The following CCDC88C variants were observed in gnomAD, a reference collection of about 807,000 sequenced individuals.
CCDC88C encodes protein Daple.
In CCDC88C, 131 loss-of-function variants were observed where a neutral mutation model predicts 198.8. That is an observed-to-expected ratio of 0.66 (90% confidence interval 0.57 to 0.76). The LOEUF (loss-of-function observed/expected upper bound fraction) is 0.76, where lower values mean the gene tolerates loss of function less well. Ranked by LOEUF, CCDC88C falls within the 30% of genes least tolerant of loss-of-function variation. The pLI, the probability that CCDC88C is intolerant of heterozygous loss-of-function variation, is 0.00. For synonymous variants in CCDC88C, 1,166 were observed against 1,114.7 expected, an observed-to-expected ratio of 1.05 and a Z score of -0.92; for missense variants, 2,553 against 2,631.6, an observed-to-expected ratio of 0.97 and a Z score of 0.65.
At chr14:91,330,758 C>T (rs1277448153) in intron 10 of CCDC88C, among the ~76,000 whole-genome samples, 2 of 151,884 alleles carry the variant, frequency 1.3e-5, no homozygotes, top group Non-Finnish European at 2.9e-5. Flanking sequence ...AACACACTGG[C>T]CTTGAGATGT....
At chr14:91,334,405 G>A (rs1596081630) in intron 10 of CCDC88C, among the ~76,000 whole-genome samples, 3 of 152,148 alleles carry the variant, frequency 2.0e-5, no homozygotes, top group South Asian at 2.1e-4. Context: ...CACCAGAGCC[G>A]GCTAGTATTT....
intron 3 of CCDC88C, among the ~76,000 whole-genome samples, chr14:91,374,837 G>T (rs4904770): frequency 0.13 from 19,527 of 152,204 alleles, 1,509 homozygotes; most frequent in Middle Eastern, 0.21. Context: ...ACTGGTAGTG[G>T]TTACCTAGAG....
Position 91,338,860 on chromosome 14 carries a change from G to A in CCDC88C, c.810-290C>T. The A allele has an allele frequency of 2.0e-6, 1 of 496,732 alleles. No homozygotes were observed. Among genetic ancestry groups the A allele is most frequent in the East Asian group, 3.7e-5 (1 of 26,838 alleles). The allele number at this position is 496,732 out of a possible 1,614,324, so 30.8% of individuals were successfully genotyped here. On this transcript the variant is annotated intron_variant, in intron 8 of 29. Coordinates refer to ENST00000389857, the MANE Select transcript of CCDC88C (RefSeq NM_001080414.4). This position sits in a 1 kb window ranked among gnomAD's most constrained non-coding sequence, Gnocchi z 4.8. Reference sequence around the variant, plus strand: ...CCAGCGGCAGCTGTACCACCCCACAGCCAGGCTCCACAGGTGACATCCATC... The same window carrying A: ...CCAGCGGCAGCTGTACCACCCCACAACCAGGCTCCACAGGTGACATCCATC...
At chr14:91,372,535 G>GA (rs1410541988) in intron 3 of CCDC88C, among the ~76,000 whole-genome samples, 2 of 108,960 alleles carry the variant, frequency 1.8e-5, no homozygotes, top group African/African-American at 8.5e-5. Flanking sequence ...GTGCGGGGGG[G>GA]GGCGGGCGGG....
At chr14:91,409,602 C>T (rs768801347) in intron 2 of CCDC88C, among the ~76,000 whole-genome samples, 2 of 151,854 alleles carry the variant, frequency 1.3e-5, no homozygotes, top group Non-Finnish European at 2.9e-5. Flanking sequence ...ATTCTCCCAC[C>T]TCAGCCTCCC....
At chr14:91,347,844 A>T (rs1204399175) in intron 4 of CCDC88C, among the ~76,000 whole-genome samples, 2 of 152,232 alleles carry the variant, frequency 1.3e-5, no homozygotes, top group Admixed American at 6.5e-5. Context: ...GTATATACCC[A>T]AAGGATTATA....
chr14:91,297,358 C>T lies in CCDC88C; in HGVS notation c.3913G>A (p.Glu1305Lys). The T allele has an allele frequency of 6.2e-7, 1 of 1,613,790 alleles. No individual in the cohort carries two copies. The highest frequency in any genetic ancestry group is 8.5e-7 in the Non-Finnish European group (1 of 1,179,814). Residue 1305 changes from glutamate to lysine, a missense_variant, in exon 22 of 30, where the codon GAG (glutamate) becomes AAG (lysine). Transcript: ENST00000389857. ...RWQARFDELKEQHQTMDISLT... is the reference protein window; with the variant it reads ...RWQARFDELKKQHQTMDISLT... ...GAGATGTCCATGGTCTGGTGCTGCTCCTTCAGCTCGTCGAAGCGGGCCTGC... is the reference window on the plus strand; with the variant it reads ...GAGATGTCCATGGTCTGGTGCTGCTTCTTCAGCTCGTCGAAGCGGGCCTGC...
chr14:91,325,373 A>G lies in CCDC88C; in HGVS notation c.1198-450T>C, dbSNP rs1892539634. ...ACACACTCATTCCTACAGAAAAGCA[A>G]TACAGAAGTCAAGTGCTCTGTTTGT... On this transcript the variant is annotated intron_variant, in intron 11 of 29. Transcript: ENST00000389857. The surrounding 1 kb of genome is among the most constrained non-coding windows in gnomAD (Gnocchi z 4.1). Among the ~76,000 whole-genome samples the G allele has an allele frequency of 6.6e-6, 1 of 151,220 alleles. No homozygotes were observed. The highest frequency in any genetic ancestry group is 1.5e-5 in the Non-Finnish European group (1 of 67,898).
intron 13 of CCDC88C, among the ~76,000 whole-genome samples, chr14:91,319,638 C>T (rs772043752): frequency 3.9e-5 from 6 of 152,222 alleles, no homozygotes; most frequent in Admixed American, 6.5e-5. Context: ...TGCTTTATAA[C>T]AGTGCCCTGC....
intron 2 of CCDC88C, among the ~76,000 whole-genome samples, chr14:91,414,029 G>A (rs1260432786): frequency 6.6e-6 from 1 of 152,192 alleles, no homozygotes; most frequent in Non-Finnish European, 1.5e-5. Context: ...GTGCAGTACA[G>A]TCTAAATGCG....
At chr14:91,366,687 A>G (rs926764948) in intron 3 of CCDC88C, among the ~76,000 whole-genome samples, 1 of 152,222 alleles carries the variant, frequency 6.6e-6, no homozygotes, top group Non-Finnish European at 1.5e-5. Flanking sequence ...AGGAGAAGCC[A>G]AGCCTCTTGA....
chr14:91,373,014 C>G (rs191724016), intron 3 of CCDC88C, among the ~76,000 whole-genome samples: 1 of 152,268 alleles, frequency 6.6e-6, no homozygotes, highest in African/African-American at 2.4e-5. Context: ...GGCAGCTCTG[C>G]AGGGGGCAAA....
intron 15 of CCDC88C, among the ~76,000 whole-genome samples, chr14:91,312,829 C>T (rs573651852): frequency 6.6e-6 from 1 of 152,312 alleles, no homozygotes; most frequent in South Asian, 2.1e-4. Context: ...TGACATCAAG[C>T]ATGTGTCTGT....
intron 3 of CCDC88C, among the ~76,000 whole-genome samples, chr14:91,372,231 C>CCTCA (rs10671415): frequency 0.032 from 4,846 of 151,998 alleles, 281 homozygotes; most frequent in African/African-American, 0.11. Flanking sequence ...AGACTGCTAC[C>CCTCA]CTCAAAGCCA....
rs1894818175 is a variant in CCDC88C at position 91,371,781 on chromosome 14, T to C, written c.271-12070A>G. Among the ~76,000 whole-genome samples the C allele has an allele frequency of 6.6e-6, 1 of 152,202 alleles. No individual in the cohort carries two copies. On this transcript the variant is annotated intron_variant, in intron 3 of 29. Coordinates refer to ENST00000389857, the MANE Select transcript of CCDC88C (RefSeq NM_001080414.4). The surrounding 1 kb of genome is among the most constrained non-coding windows in gnomAD (Gnocchi z 4.2). ...ACCCACCCAGGCCCACAGGCACCTA[T>C]GCCAGGGCAGGGCTGGGGCCACGCC...
At chr14:91,328,117 G>A (rs1236042950) in intron 10 of CCDC88C, among the ~76,000 whole-genome samples, 2 of 152,200 alleles carry the variant, frequency 1.3e-5, no homozygotes, top group Non-Finnish European at 2.9e-5. Context: ...CCACAAGGAG[G>A]GAGGAATCAA....
chr14:91,278,257 G>C (rs1477221808), intron 28 of CCDC88C, 46 bp from the exon 29 acceptor site: 1 of 1,531,524 alleles, frequency 6.5e-7, no homozygotes, highest in Non-Finnish European at 8.8e-7. Flanking sequence ...AGTCTTGGCA[G>C]CCCTCTGGTG....
Position 91,293,595 on chromosome 14 carries a change from A to ACAGCCCACC in CCDC88C, c.4112+577_4112+578insGGTGGGCTG, listed in dbSNP as rs1567056054. On this transcript the variant is annotated intron_variant, in intron 23 of 29. Transcript: ENST00000389857. ...CCACCTTCCTGTCCCCTCGCCTGCC[A>ACAGCCCACC]TGGCCCACCTCCTGTGGGCCTCCCC... Among the ~76,000 whole-genome samples, 24 of 135,124 alleles carry ACAGCCCACC rather than the reference A, an allele frequency of 1.8e-4. 3 individuals carry two copies. Among genetic ancestry groups the ACAGCCCACC allele is most frequent in the Admixed American group, 4.5e-4 (6 of 13,292 alleles). The allele number at this position is 135,124 out of a possible 152,430, so 88.6% of individuals were successfully genotyped here.
rs1891751957 is a variant in CCDC88C at position 91,310,074 on chromosome 14, T to G, written c.2737-88A>C. ...CCAGTCCCGCCCGGGTGTGAGCAACTGTCCTCCCGGGCCACGGCTGCCTCC... is the reference window on the plus strand; with the variant it reads ...CCAGTCCCGCCCGGGTGTGAGCAACGGTCCTCCCGGGCCACGGCTGCCTCC... On this transcript the variant is annotated intron_variant, in intron 15 of 29. Transcript: ENST00000389857. The G allele has an allele frequency of 6.6e-6, 9 of 1,364,212 alleles. No individual in the cohort carries two copies. In the South Asian group the frequency reaches 1.2e-4, roughly 18 times the overall value. 84.5% of individuals were successfully genotyped at this position (1,364,212 alleles called of 1,614,324 possible). A position where few individuals can be genotyped will look rare whatever the true frequency, so the allele number is the denominator to read the frequency against.
Sources: gnomAD v4.1 joint callset for allele counts (sites outside exome capture counted in the v4.1 genomes callset) on GRCh38, gnomAD v4.1.1 for gene constraint, Gnocchi (gnomAD v3.1) non-coding constraint, MANE v1.5 for transcripts, NCBI Gene and HGNC (gene_info 2026-07-23, HGNC 2026-07-21) for gene names.